Variants in CAMTA1 observed in about 807,000 individuals in gnomAD.
CAMTA1 encodes calmodulin binding transcription activator 1.
Under a neutral mutation model 170.9 loss-of-function variants are expected in CAMTA1, and 27 were observed. The observed-to-expected ratio is 0.16, with a 90% CI of 0.12 to 0.22. CAMTA1 has a LOEUF of 0.22. CAMTA1 is among the 10% of genes least tolerant of loss of function. The pLI is 1.00. For missense variants in CAMTA1, 1,619 were observed against 2,217.2 expected (o/e 0.73, Z 5.42); for synonymous variants, 833 against 891.5 (o/e 0.93, Z 1.17).
At chr1:7,668,001 C>G (rs1389580275) in intron 9 of CAMTA1, among the ~76,000 whole-genome samples, 1 of 152,176 alleles carries the variant, frequency 6.6e-6, no homozygotes, top group East Asian at 1.9e-4. Context: ...CAGGGGTGCC[C>G]CCATCCTGGG....
intron 5 of CAMTA1, among the ~76,000 whole-genome samples, chr1:7,264,006 G>T (rs1307477058): frequency 3.9e-5 from 6 of 152,196 alleles, no homozygotes. Flanking sequence ...GGGATGTGTG[G>T]GTTAATGCTG....
intron 11 of CAMTA1, among the ~76,000 whole-genome samples, chr1:7,702,052 C>T (rs559398166): frequency 2.6e-5 from 4 of 152,146 alleles, no homozygotes; most frequent in East Asian, 3.9e-4. Context: ...GCCTCCTGCT[C>T]CTGTGGTGCA....
At chr1:7,203,120 T>C (rs912932468) in intron 4 of CAMTA1, among the ~76,000 whole-genome samples, 1 of 152,212 alleles carries the variant, frequency 6.6e-6, no homozygotes. Context: ...TTCTGTTTTT[T>C]AGTCTATTGA....
chr1:7,146,661 G>A lies in CAMTA1; in HGVS notation c.302+55290G>A, dbSNP rs1393995650. ...GGTCCTCACTGCTTCCCTGGGACCG[G>A]CTGTGTAGGGGTTGATGTGGGCAGT... is the stretch of plus-strand genomic sequence containing the variant. On this transcript the variant is annotated intron_variant, in intron 4 of 22. Transcript: ENST00000303635. This position sits in a 1 kb window ranked among gnomAD's most constrained non-coding sequence, Gnocchi z 4.3. 1.3e-5 allele frequency among the ~76,000 whole-genome samples: 2 copies of A among 152,244 alleles called. No individual in the cohort carries two copies. Among genetic ancestry groups the A allele is most frequent in the African/African-American group, 4.8e-5 (2 of 41,536 alleles).
At chr1:7,244,644 A>G (rs1370846265) in intron 4 of CAMTA1, among the ~76,000 whole-genome samples, 1 of 152,132 alleles carries the variant, frequency 6.6e-6, no homozygotes, top group African/African-American at 2.4e-5. Flanking sequence ...CGCAAGGACA[A>G]AAAACCAAAC....
chr1:7,302,977 G>C (rs1222842679), intron 5 of CAMTA1, among the ~76,000 whole-genome samples: 1 of 152,186 alleles, frequency 6.6e-6, no homozygotes, highest in Non-Finnish European at 1.5e-5. Flanking sequence ...TGCTGTGGGA[G>C]GCTAGGGTGA....
intron 11 of CAMTA1, chr1:7,694,278 T>C (rs943465797): frequency 1.3e-5 from 2 of 152,244 alleles, no homozygotes; most frequent in African/African-American, 4.8e-5. Context: ...TCTTATGTAG[T>C]ATTCAGCAGT....
chr1:7,222,676 C>A (rs150138207), intron 4 of CAMTA1, among the ~76,000 whole-genome samples: 3 of 152,336 alleles, frequency 2.0e-5, no homozygotes, highest in Non-Finnish European at 4.4e-5. Flanking sequence ...CTGCCCAGAG[C>A]TGCCTCCTGG....
chr1:7,466,858 TC>T (rs1338376880), intron 5 of CAMTA1, among the ~76,000 whole-genome samples: 3 of 152,068 alleles, frequency 2.0e-5, no homozygotes, highest in African/African-American at 7.2e-5. Flanking sequence ...GAGACTTCCC[TC>T]TCCAAATTGA....
intron 6 of CAMTA1, among the ~76,000 whole-genome samples, chr1:7,601,360 C>A (rs1042307865): frequency 5.3e-5 from 8 of 151,104 alleles, no homozygotes; most frequent in African/African-American, 1.9e-4. Flanking sequence ...AGGGCAGAGG[C>A]GCTCCCCACA....
intron 5 of CAMTA1, among the ~76,000 whole-genome samples, chr1:7,356,050 G>A (rs546362699): frequency 2.6e-5 from 4 of 152,360 alleles, no homozygotes; most frequent in Admixed American, 6.5e-5. Flanking sequence ...GAGAGCTCAG[G>A]CAGGGACTGT....
At chr1:7,551,301 A>AC in intron 6 of CAMTA1, among the ~76,000 whole-genome samples, 1 of 129,396 alleles carries the variant, frequency 7.7e-6, no homozygotes, top group African/African-American at 3.3e-5. Flanking sequence ...GCGCAGGTGC[A>AC]CTGAGTGTAT....
At chr1:7,192,204 C>G (rs886679457) in intron 4 of CAMTA1, among the ~76,000 whole-genome samples, 2 of 152,252 alleles carry the variant, frequency 1.3e-5, no homozygotes, top group Non-Finnish European at 2.9e-5. Context: ...GATGCTGACA[C>G]TGATGTCGCT....
intron 3 of CAMTA1, among the ~76,000 whole-genome samples, chr1:6,850,095 A>G (rs1659830478): frequency 6.6e-6 from 1 of 152,044 alleles, no homozygotes; most frequent in Non-Finnish European, 1.5e-5. Flanking sequence ...ATACCAAAAT[A>G]AATCTAAAAA....
At chr1:7,324,454 T>G (rs1325969853) in intron 5 of CAMTA1, among the ~76,000 whole-genome samples, 1 of 152,240 alleles carries the variant, frequency 6.6e-6, no homozygotes. Context: ...ACTTTGGCTG[T>G]AATTATTGAT....
intron 5 of CAMTA1, among the ~76,000 whole-genome samples, chr1:7,452,071 A>C (rs1208083599): frequency 6.6e-6 from 1 of 152,238 alleles, no homozygotes; most frequent in African/African-American, 2.4e-5. Flanking sequence ...CCGGGGGGCT[A>C]ACCCCCCTCT....
chr1:6,974,917 A>T (rs1031296766), intron 3 of CAMTA1, among the ~76,000 whole-genome samples: 2 of 152,226 alleles, frequency 1.3e-5, no homozygotes, highest in East Asian at 3.8e-4. Context: ...AATAAACATA[A>T]GGCTTGCTAT....
chr1:7,191,760 G>A (rs945166965), intron 4 of CAMTA1, among the ~76,000 whole-genome samples: 4 of 152,154 alleles, frequency 2.6e-5, no homozygotes. Context: ...CTTTGTCATC[G>A]ACAGTTTCTG....
At chr1:6,811,359 G>T (rs945697142) in intron 1 of CAMTA1, among the ~76,000 whole-genome samples, 4 of 152,202 alleles carry the variant, frequency 2.6e-5, no homozygotes, top group African/African-American at 7.2e-5. Flanking sequence ...GGTTCATTAT[G>T]TTGTATGTAG....
Sources: gnomAD v4.1 joint callset for allele counts (sites outside exome capture counted in the v4.1 genomes callset) on GRCh38, gnomAD v4.1.1 for gene constraint, Gnocchi (gnomAD v3.1) non-coding constraint, MANE v1.5 for transcripts, NCBI Gene and HGNC (gene_info 2026-07-23, HGNC 2026-07-21) for gene names.